The following SRPX2 variants were observed in gnomAD, a reference collection of about 807,000 sequenced individuals.
SRPX2 encodes the protein sushi repeat containing protein X-linked 2.
Under a neutral mutation model 45.3 loss-of-function variants are expected in SRPX2, and 26 were observed. The observed-to-expected ratio is 0.57, with a 90% CI of 0.42 to 0.80. The LOEUF (loss-of-function observed/expected upper bound fraction) is 0.80. Ranked by LOEUF, SRPX2 falls within the 30% of genes least tolerant of loss-of-function variation. The pLI is 0.00. For synonymous variants in SRPX2, 125 were observed against 143.7 expected, an observed-to-expected ratio of 0.87 and a Z score of 0.93; for missense variants, 355 against 399.8, an observed-to-expected ratio of 0.89 and a Z score of 0.95.
rs185091915 is a variant in SRPX2, at chrX:100,653,319, C to T, written c.163+2454C>T. On this transcript the variant is annotated intron_variant, in intron 3 of 10. Coordinates refer to ENST00000373004, the MANE Select transcript of SRPX2 (RefSeq NM_014467.3). ...CACTACCATCATTCTCTTAGTTACT[C>T]GGACTTCAAAATACCTCAATGTCAC... Among the ~76,000 whole-genome samples the T allele has an allele frequency of 2.5e-3, 284 of 111,577 alleles. 2 individuals carry two copies. Among genetic ancestry groups the T allele is most frequent in the Middle Eastern group, 9.2e-3 (2 of 217 alleles).
intron 1 of SRPX2, among the ~76,000 whole-genome samples, chrX:100,645,559 G>A (rs1287512106): frequency 8.9e-6 from 1 of 111,896 alleles, no homozygotes; most frequent in East Asian, 2.8e-4. Context: ...TAAGAACAGA[G>A]CCAGAGTCCA....
rs2083259393 is a variant in SRPX2, at chrX:100,675,387, G to A, written c.*4400G>A. 8.9e-6 allele frequency: 1 copy of A among 112,774 alleles called. No homozygotes were observed. Among genetic ancestry groups the A allele is most frequent in the South Asian group, 3.7e-4 (1 of 2,707 alleles). The allele number at this position is 112,774 out of a possible 1,213,427, so 9.3% of individuals were successfully genotyped here. On this transcript the variant is annotated 3_prime_UTR_variant, in exon 11 of 11. Transcript: ENST00000373004. ...GGTCTAGTAAAGATATCTAGAACTG[G>A]AAAAAGCTTGGGAATTCTGTTAGCA...
intron 3 of SRPX2, among the ~76,000 whole-genome samples, chrX:100,659,777 CTT>C (rs35600595): frequency 7.1e-5 from 6 of 83,939 alleles, no homozygotes; most frequent in African/African-American, 2.6e-4. Context: ...TCATCTACTT[CTT>C]TTTTTTTTTT....
chrX:100,659,054 A>ACTTACTT (rs2147645518), intron 3 of SRPX2, among the ~76,000 whole-genome samples: 1 of 111,777 alleles, frequency 8.9e-6, no homozygotes, highest in African/African-American at 3.2e-5. Flanking sequence ...TAGTGTATCC[A>ACTTACTT]CCATTTCCCC....
intron 3 of SRPX2, among the ~76,000 whole-genome samples, chrX:100,655,373 T>G (rs1220790430): frequency 9.1e-6 from 1 of 109,612 alleles, no homozygotes; most frequent in Non-Finnish European, 1.9e-5. Flanking sequence ...AAGAAACTAT[T>G]AAAAGTAGTT....
Position 100,673,878 on chromosome X carries a change from G to A in SRPX2, c.*2891G>A, listed in dbSNP as rs2083240641. On this transcript the variant is annotated 3_prime_UTR_variant, in exon 11 of 11. Coordinates refer to ENST00000373004, the MANE Select transcript of SRPX2 (RefSeq NM_014467.3). ...GGAAGATTTCCTACTTCATAAAGTGGTTGGAGAAATTAAAGAAATAGTATA... is the reference window on the plus strand; with the variant it reads ...GGAAGATTTCCTACTTCATAAAGTGATTGGAGAAATTAAAGAAATAGTATA... 3 of 111,730 alleles carry A rather than the reference G, an allele frequency of 2.7e-5. No homozygotes were observed. The South Asian group carries it at 1.1e-3, about 42-fold the overall frequency. The allele number at this position is 111,730 out of a possible 1,213,427, so 9.2% of individuals were successfully genotyped here. A position where few individuals can be genotyped will look rare whatever the true frequency, so the allele number is the denominator to read the frequency against.
intron 9 of SRPX2, 143 bp downstream of exon 9, chrX:100,667,550 C>T: frequency 2.6e-6 from 2 of 783,275 alleles, no homozygotes; most frequent in Non-Finnish European, 3.7e-6. Flanking sequence ...TTACCATAGA[C>T]ATATTTAGCA....
intron 3 of SRPX2, among the ~76,000 whole-genome samples, chrX:100,656,993 T>C (rs1009098882): frequency 1.5e-4 from 16 of 109,930 alleles, no homozygotes; most frequent in African/African-American, 5.3e-4. Context: ...AGTGGCGCCA[T>C]CTCGGCTCAC....
At position 100,646,289 on chromosome X, in the gene SRPX2, T is replaced by C; in HGVS notation, c.-34T>C. On this transcript the variant is annotated 5_prime_UTR_variant, in exon 2 of 11. Coordinates refer to ENST00000373004, the MANE Select transcript of SRPX2 (RefSeq NM_014467.3). Reference sequence around the variant, plus strand: ...GCCCTGGTACTTCAGGCCATATACATCTTTTCTTGTCTCCATAATCCTCCC... The same window carrying C: ...GCCCTGGTACTTCAGGCCATATACACCTTTTCTTGTCTCCATAATCCTCCC... 1 of 1,178,427 alleles carries C rather than the reference T, an allele frequency of 8.5e-7. No homozygotes were observed. The highest frequency in any genetic ancestry group is 1.2e-6 in the Non-Finnish European group (1 of 866,112).
chrX:100,645,257 G>A (rs766545323), intron 1 of SRPX2, among the ~76,000 whole-genome samples: 1 of 112,341 alleles, frequency 8.9e-6, no homozygotes, highest in South Asian at 3.7e-4. Context: ...GTGAATGGGT[G>A]CTTGCTGAAA....
In SRPX2 at chrX:100,666,885, G is replaced by C. The variant is rs1242518900; in HGVS notation, c.913G>C (p.Val305Leu). ...GYDRQGTPSR[V>L]CQSSRQWSGS... ...TGATCGCCAGGGGACACCCTCCCGGGTCTGTCAGTCCAGCCGCCAGTGGTC... is the reference window on the plus strand; with the variant it reads ...TGATCGCCAGGGGACACCCTCCCGGCTCTGTCAGTCCAGCCGCCAGTGGTC... The change falls in exon 8 of 11, where the codon GTC (valine) becomes CTC (leucine). Residue 305 changes from valine (V) to leucine (L), a missense_variant. Val to Leu is a conservative substitution (Grantham distance 32, BLOSUM62 1). Transcript: ENST00000373004. The C allele has an allele frequency of 3.3e-6, 4 of 1,209,620 alleles. No homozygotes were observed. In the African/African-American group the frequency reaches 7.0e-5, roughly 21 times the overall value.
At chrX:100,669,674 T>C (rs1410796880) in intron 10 of SRPX2, among the ~76,000 whole-genome samples, 1 of 110,070 alleles carries the variant, frequency 9.1e-6, no homozygotes, top group Non-Finnish European at 1.9e-5. Flanking sequence ...CAGCCAGGGC[T>C]GAGACAGTAA....
Position 100,650,801 on chromosome X carries a change from G to A in SRPX2, c.99G>A (p.Pro33=), listed in dbSNP as rs766670891. The change falls in exon 3 of 11, where the codon CCG becomes CCA. Residue 33 remains proline (P), a synonymous_variant. Coordinates refer to ENST00000373004, the MANE Select transcript of SRPX2 (RefSeq NM_014467.3). ...PTWYAGSGYY[P]DESYNEVYAE... ...TTATTCTAGGTTCTGGCTACTATCC[G>A]GATGAAAGCTACAATGAAGTATATG... 9.9e-6 allele frequency: 12 copies of A among 1,208,591 alleles called. No homozygotes were observed. Among genetic ancestry groups the A allele is most frequent in the South Asian group, 3.5e-5 (2 of 56,705 alleles).
At chrX:100,661,724 T>C (rs2083187980) in intron 3 of SRPX2, among the ~76,000 whole-genome samples, 1 of 112,085 alleles carries the variant, frequency 8.9e-6, no homozygotes, top group Non-Finnish European at 1.9e-5. Flanking sequence ...GAGCTGAGAT[T>C]ACGCCACTGC....
intron 2 of SRPX2, among the ~76,000 whole-genome samples, chrX:100,648,956 C>A (rs2083143578): frequency 8.9e-6 from 1 of 112,372 alleles, no homozygotes; most frequent in South Asian, 3.7e-4. Context: ...GCTGGGAGAC[C>A]TTGGTTCTCT....
At chrX:100,646,086 C>T (rs1296971071) in intron 1 of SRPX2, 107 bp from the exon 2 acceptor site, 1 of 399,044 alleles carries the variant, frequency 2.5e-6, no homozygotes, top group African/African-American at 2.5e-5. Context: ...GAAAAGGGAC[C>T]ATAAATAACA....
At chrX:100,662,078 G>A in intron 3 of SRPX2, 98 bp from the exon 4 acceptor site, 1 of 887,131 alleles carries the variant, frequency 1.1e-6, no homozygotes, top group Non-Finnish European at 1.6e-6. Context: ...TTTACTTCTG[G>A]GCTCTCTATT....
Position 100,670,903 on chromosome X carries a change from G to T in SRPX2, c.1314G>T (p.Glu438Asp). The T allele has an allele frequency of 2.5e-6, 3 of 1,211,685 alleles. No homozygotes were observed. The highest frequency in any genetic ancestry group is 3.4e-6 in the Non-Finnish European group (3 of 895,494). ...GCTACATGGAACCTGTCACCCCCGAGGAAATCTTCACATTCATTGATGACT... is the reference window on the plus strand; with the variant it reads ...GCTACATGGAACCTGTCACCCCCGATGAAATCTTCACATTCATTGATGACT... Reference protein sequence around the residue: ...RDRYMEPVTPEEIFTFIDDYL... With the variant: ...RDRYMEPVTPDEIFTFIDDYL... The change falls in exon 11 of 11, where the codon GAG becomes GAT. Residue 438 changes from glutamate (E) to aspartate (D), a missense_variant. Coordinates refer to ENST00000373004, the MANE Select transcript of SRPX2 (RefSeq NM_014467.3).
chrX:100,666,612 C>A, intron 7 of SRPX2, 142 bp from the exon 8 acceptor site: 1 of 716,868 alleles, frequency 1.4e-6, no homozygotes, highest in Non-Finnish European at 2.1e-6. Flanking sequence ...CCAGCTCTAT[C>A]CCCAGCCAGT....
Sources: gnomAD v4.1 joint callset for allele counts (sites outside exome capture counted in the v4.1 genomes callset) on GRCh38, gnomAD v4.1.1 for gene constraint, MANE v1.5 for transcripts, NCBI Gene and HGNC (gene_info 2026-07-23, HGNC 2026-07-21) for gene names.